Variants in NRG1 observed in about 807,000 individuals in gnomAD.
The protein encoded by NRG1 is neuregulin 1.
NRG1 carries 18 observed loss-of-function variants against 63.8 expected under a neutral mutation model. That is an observed-to-expected ratio of 0.28 (90% confidence interval 0.19 to 0.42). The LOEUF (loss-of-function observed/expected upper bound fraction) is 0.42, where lower values mean the gene tolerates loss of function less well. Among genes scored for constraint, NRG1 ranks in the 10% least tolerant of loss-of-function variants. The pLI, the probability that NRG1 is intolerant of heterozygous loss-of-function variation, is 1.00. For missense variants in NRG1, 762 were observed against 814.7 expected (o/e 0.94, Z 0.79); for synonymous variants, 302 against 301.3 (o/e 1.00, Z -0.02).
intron 1 of NRG1, among the ~76,000 whole-genome samples, chr8:32,265,497 C>G (rs1028680523): frequency 6.6e-6 from 1 of 151,976 alleles, no homozygotes; most frequent in Non-Finnish European, 1.5e-5. Context: ...TACATTCAAC[C>G]AACCATGGGT....
At chr8:32,185,410 G>C (rs1841873569) in intron 1 of NRG1, among the ~76,000 whole-genome samples, 1 of 152,094 alleles carries the variant, frequency 6.6e-6, no homozygotes, top group Admixed American at 6.5e-5. Flanking sequence ...CTTAAGAAGT[G>C]ATCTTTACAT....
At chr8:32,340,358 T>G (rs7016614) in intron 1 of NRG1, among the ~76,000 whole-genome samples, 80,237 of 151,998 alleles carry the variant, frequency 0.53, 21,913 homozygotes, top group Non-Finnish European at 0.61. Flanking sequence ...TTAGCACCAC[T>G]CAGTGGCTGC....
At chr8:31,990,524 C>G (rs1205413979) in intron 1 of NRG1, among the ~76,000 whole-genome samples, 4 of 151,958 alleles carry the variant, frequency 2.6e-5, no homozygotes, top group Non-Finnish European at 5.9e-5. Flanking sequence ...CTAGTTGCAG[C>G]ATAGTCACAC....
intron 1 of NRG1, among the ~76,000 whole-genome samples, chr8:32,540,515 C>T (rs1184567368): frequency 1.3e-5 from 2 of 152,176 alleles, no homozygotes; most frequent in Admixed American, 6.5e-5. Context: ...TAACTTTCTT[C>T]TTCCACCTAC....
chr8:32,493,386 C>T (rs1826827054), intron 1 of NRG1, among the ~76,000 whole-genome samples: 1 of 152,138 alleles, frequency 6.6e-6, no homozygotes, highest in Non-Finnish European at 1.5e-5. Context: ...AAATAACAAA[C>T]TTCAGATGAC....
intron 1 of NRG1, among the ~76,000 whole-genome samples, chr8:31,903,523 T>A (rs1832275087): frequency 1.3e-5 from 2 of 152,136 alleles, no homozygotes. Context: ...CATTGTGCTC[T>A]GTCTCAGTTC....
At chr8:32,179,240 G>A (rs1841163292) in intron 1 of NRG1, among the ~76,000 whole-genome samples, 1 of 139,792 alleles carries the variant, frequency 7.2e-6, no homozygotes, top group South Asian at 2.4e-4. Context: ...ATATCCAGTA[G>A]AATTGGAGAC....
At chr8:32,600,325 G>GACACACACACACACACACAC (rs5890665) in intron 2 of NRG1, among the ~76,000 whole-genome samples, 1 of 149,472 alleles carries the variant, frequency 6.7e-6, no homozygotes, top group African/African-American at 2.5e-5. Context: ...AGCAGTGTTG[G>GACACACACACACACACACAC]ACACACACAC....
intron 1 of NRG1, among the ~76,000 whole-genome samples, chr8:32,036,398 C>T (rs981998353): frequency 5.3e-5 from 8 of 152,044 alleles, no homozygotes; most frequent in African/African-American, 1.9e-4. Flanking sequence ...AATCTAATGA[C>T]TATGTGTCTT....
intron 1 of NRG1, among the ~76,000 whole-genome samples, chr8:31,947,389 TTTTC>T (rs908763245): frequency 5.9e-5 from 9 of 152,164 alleles, no homozygotes; most frequent in Non-Finnish European, 8.8e-5. Context: ...ATGCTGTTGA[TTTTC>T]TTCCCAGTCT....
intron 1 of NRG1, among the ~76,000 whole-genome samples, chr8:32,488,601 C>T (rs1248178600): frequency 6.7e-6 from 1 of 148,212 alleles, no homozygotes; most frequent in Non-Finnish European, 1.5e-5. Flanking sequence ...CATGGCAAAA[C>T]CCCATCTCTA....
intron 1 of NRG1, among the ~76,000 whole-genome samples, chr8:32,066,463 G>GT (rs1824834624): frequency 6.6e-6 from 1 of 152,076 alleles, no homozygotes; most frequent in Non-Finnish European, 1.5e-5. Context: ...CCATTTTCTT[G>GT]TTTTTCTCAG....
At chr8:31,645,804 A>C (rs1278115013) in intron 1 of NRG1, among the ~76,000 whole-genome samples, 1 of 152,218 alleles carries the variant, frequency 6.6e-6, no homozygotes, top group African/African-American at 2.4e-5. Context: ...ACAACTAAAA[A>C]ATCAAAAAGA....
At chr8:32,177,703 C>A (rs1436385936) in intron 1 of NRG1, among the ~76,000 whole-genome samples, 1 of 151,794 alleles carries the variant, frequency 6.6e-6, no homozygotes, top group Admixed American at 6.6e-5. Context: ...TATTTTTAAA[C>A]AAGGCTTTAG....
chr8:31,683,343 T>C (rs1808534716), intron 1 of NRG1, among the ~76,000 whole-genome samples: 1 of 152,050 alleles, frequency 6.6e-6, no homozygotes, highest in African/African-American at 2.4e-5. Context: ...ACCTAGACAA[T>C]GGAATACTAT....
intron 1 of NRG1, among the ~76,000 whole-genome samples, chr8:31,656,919 T>TCCTTGAA (rs1164159118): frequency 6.6e-6 from 1 of 152,214 alleles, no homozygotes; most frequent in African/African-American, 2.4e-5. Flanking sequence ...AGTCAAAAGG[T>TCCTTGAA]CCTTGAACCA....
At chr8:32,390,506 G>T (rs373370636) in intron 1 of NRG1, among the ~76,000 whole-genome samples, 1 of 151,376 alleles carries the variant, frequency 6.6e-6, no homozygotes, top group African/African-American at 2.4e-5. Flanking sequence ...AGGAGCCTGA[G>T]GTGGGAGGAT....
At chr8:32,146,176 G>A (rs1836853462) in intron 1 of NRG1, among the ~76,000 whole-genome samples, 1 of 152,170 alleles carries the variant, frequency 6.6e-6, no homozygotes, top group Admixed American at 6.5e-5. Context: ...ATTAAACTAA[G>A]GGAGGGAAGC....
At chr8:31,928,357 A>T (rs1228374496) in intron 1 of NRG1, among the ~76,000 whole-genome samples, 9 of 149,134 alleles carry the variant, frequency 6.0e-5, no homozygotes, top group African/African-American at 2.2e-4. Flanking sequence ...TGTGGTAAAA[A>T]AAAAAAAAAA....
Sources: gnomAD v4.1 joint callset for allele counts (sites outside exome capture counted in the v4.1 genomes callset) on GRCh38, gnomAD v4.1.1 for gene constraint, MANE v1.5 for transcripts, NCBI Gene and HGNC (gene_info 2026-07-23, HGNC 2026-07-21) for gene names.